The following RARB variants were observed in gnomAD, a reference collection of about 807,000 sequenced individuals.
RARB encodes HBV-activated protein.
Under a neutral mutation model 51.9 loss-of-function variants are expected in RARB, and 17 were observed. The observed-to-expected ratio is 0.33, with a 90% CI of 0.22 to 0.49. RARB has a LOEUF of 0.49. Among genes scored for constraint, RARB ranks in the 20% least tolerant of loss-of-function variants. RARB has a pLI of 0.99. For synonymous variants in RARB, 215 were observed against 195.4 expected (o/e 1.10, Z -0.84); for missense variants, 369 against 550.8 (o/e 0.67, Z 3.30).
Position 25,492,161 on chromosome 3 carries a change from C to T in RARB, c.307-9021C>T, listed in dbSNP as rs892783580. ...AATTTTGTTTTGAGATAATTGGTCACAAAACCTGGTGGACTTGTTGCCTAC... is the reference window on the plus strand; with the variant it reads ...AATTTTGTTTTGAGATAATTGGTCATAAAACCTGGTGGACTTGTTGCCTAC... On this transcript the variant is annotated intron_variant, in intron 2 of 7. Transcript: ENST00000330688. Among the ~76,000 whole-genome samples, 30 of 152,262 alleles carry T rather than the reference C, an allele frequency of 2.0e-4. No homozygotes were observed. In the Middle Eastern group the frequency reaches 0.01, roughly 52 times the overall value.
chr3:25,094,082 C>T (rs1172164426), intron 3 of RARB, among the ~76,000 whole-genome samples: 6 of 152,164 alleles, frequency 3.9e-5, no homozygotes, highest in African/African-American at 1.4e-4. Flanking sequence ...AAAATGATGA[C>T]AGAACCCAGC....
chr3:25,440,769 T>TC (rs1405338765), intron 1 of RARB, among the ~76,000 whole-genome samples: 1 of 150,424 alleles, frequency 6.6e-6, no homozygotes, highest in Non-Finnish European at 1.5e-5. Flanking sequence ...TAAGACACCG[T>TC]CCCCCCCAAA....
intron 1 of RARB, among the ~76,000 whole-genome samples, chr3:24,840,508 A>C (rs1702406931): frequency 6.6e-6 from 1 of 152,176 alleles, no homozygotes; most frequent in South Asian, 2.1e-4. Flanking sequence ...ACCTGATGCA[A>C]GTATTGCTTT....
At chr3:24,983,227 T>C (rs1057501670) in intron 2 of RARB, among the ~76,000 whole-genome samples, 4 of 152,150 alleles carry the variant, frequency 2.6e-5, no homozygotes, top group African/African-American at 9.7e-5. Context: ...TATCTTTTAG[T>C]AGAATTGTAC....
chr3:25,345,540 C>T lies in RARB; in HGVS notation c.179-115653C>T, dbSNP rs550787168. Among the ~76,000 whole-genome samples the T allele has an allele frequency of 8.6e-5, 13 of 151,914 alleles. No homozygotes were observed. In the East Asian group the frequency reaches 2.3e-3, roughly 27 times the overall value. ...ATTAGCCGGGTGTGGTGGTGCATGC[C>T]TGTAGTCCTAGCTACTCGGGAGGCT... On this transcript the variant is annotated intron_variant, in intron 5 of 11. Coordinates refer to the RARB transcript ENST00000383772.
chr3:25,523,989 T>C (rs765261568), intron 3 of RARB, among the ~76,000 whole-genome samples: 2 of 152,238 alleles, frequency 1.3e-5, no homozygotes, highest in African/African-American at 2.4e-5. Flanking sequence ...TTACATCCTA[T>C]GGGCAATGCC....
At chr3:25,500,912 T>C (rs776675908) in intron 2 of RARB, among the ~76,000 whole-genome samples, 3 of 152,216 alleles carry the variant, frequency 2.0e-5, no homozygotes, top group Non-Finnish European at 4.4e-5. Context: ...ACTCTGGTGT[T>C]TTCCAAGTAA....
intron 5 of RARB, among the ~76,000 whole-genome samples, chr3:25,380,845 T>C (rs1253267993): frequency 6.6e-6 from 1 of 152,174 alleles, no homozygotes; most frequent in East Asian, 1.9e-4. Flanking sequence ...GCTTAGGTTT[T>C]ATATTTCTAT....
At position 24,840,742 on chromosome 3, in the gene RARB, TAAAAA is replaced by T. The variant is rs55771334; in HGVS notation, c.-459+11360_-459+11364del. Among the ~76,000 whole-genome samples the T allele has an allele frequency of 7.1e-5, 5 of 70,358 alleles. No homozygotes were observed. The East Asian group carries it at 1.2e-3, about 16-fold the overall frequency. 46.2% of individuals were successfully genotyped at this position (70,358 alleles called of 152,430 possible). A position where few individuals can be genotyped will look rare whatever the true frequency, so the allele number is the denominator to read the frequency against. Reference sequence around the variant, plus strand: ...TTCTTTAGTTAGGCATGAGTAAGAGTAAAAAAAAAAAAAAAAAAAAAAAAATGCAA... The same window carrying T: ...TTCTTTAGTTAGGCATGAGTAAGAGTAAAAAAAAAAAAAAAAAAAATGCAA... On this transcript the variant is annotated intron_variant, in intron 1 of 11. Coordinates refer to the RARB transcript ENST00000383772.
At chr3:25,116,751 C>T (rs1699694140) in intron 3 of RARB, among the ~76,000 whole-genome samples, 2 of 151,988 alleles carry the variant, frequency 1.3e-5, no homozygotes, top group South Asian at 4.2e-4. Flanking sequence ...CCAAAGCCTG[C>T]CTTTAAGTCT....
intron 5 of RARB, among the ~76,000 whole-genome samples, chr3:25,327,324 A>G (rs113416568): frequency 6.6e-6 from 1 of 152,306 alleles, no homozygotes; most frequent in East Asian, 1.9e-4. Flanking sequence ...AATTTTTTAA[A>G]AAGATTCACA....
chr3:25,419,130 G>T (rs1347676400), intron 5 of RARB, among the ~76,000 whole-genome samples: 1 of 151,996 alleles, frequency 6.6e-6, no homozygotes, highest in Non-Finnish European at 1.5e-5. Flanking sequence ...TAATAAGCTG[G>T]GGGGAATTTA....
At chr3:25,371,623 G>A (rs1014769198) in intron 5 of RARB, among the ~76,000 whole-genome samples, 2 of 152,234 alleles carry the variant, frequency 1.3e-5, no homozygotes, top group Non-Finnish European at 1.5e-5. Flanking sequence ...ATCAATAAGT[G>A]TTTTAAATAA....
intron 3 of RARB, among the ~76,000 whole-genome samples, chr3:25,076,153 T>A (rs1009755962): frequency 9.2e-5 from 14 of 152,212 alleles, no homozygotes; most frequent in African/African-American, 2.2e-4. Context: ...TTTATTTTTT[T>A]TTTTTTTAGA....
intron 2 of RARB, among the ~76,000 whole-genome samples, chr3:24,941,666 G>A (rs371931322): frequency 2.0e-5 from 3 of 152,140 alleles, no homozygotes; most frequent in African/African-American, 7.2e-5. Flanking sequence ...ACCGTGCCCA[G>A]ATAAAAGGCA....
At chr3:25,032,867 T>C (rs1310711021) in intron 2 of RARB, among the ~76,000 whole-genome samples, 2 of 152,188 alleles carry the variant, frequency 1.3e-5, no homozygotes, top group African/African-American at 2.4e-5. Flanking sequence ...GTGGTAGCAA[T>C]GTTTATAAAA....
At chr3:25,339,597 A>T (rs1041136434) in intron 5 of RARB, among the ~76,000 whole-genome samples, 40 of 135,262 alleles carry the variant, frequency 3.0e-4, no homozygotes, top group African/African-American at 9.9e-4. Flanking sequence ...TTTTTTTTTT[A>T]ATCACACTGT....
intron 5 of RARB, among the ~76,000 whole-genome samples, chr3:25,203,534 C>T: frequency 6.6e-6 from 1 of 152,168 alleles, no homozygotes; most frequent in Non-Finnish European, 1.5e-5. Context: ...CCTTGATGGT[C>T]TTTACAATTC....
At chr3:25,025,022 C>T (rs1364899420) in intron 2 of RARB, 1 of 151,512 alleles carries the variant, frequency 6.6e-6, no homozygotes, top group Non-Finnish European at 1.5e-5. Flanking sequence ...CCATACCACC[C>T]TGAACACTCT....
Sources: gnomAD v4.1 joint callset for allele counts (sites outside exome capture counted in the v4.1 genomes callset) on GRCh38, gnomAD v4.1.1 for gene constraint, MANE v1.5 for transcripts, NCBI Gene and HGNC (gene_info 2026-07-23, HGNC 2026-07-21) for gene names.